The following KLHL1 variants were observed in gnomAD, a reference collection of about 807,000 sequenced individuals.
KLHL1 encodes the protein kelch like family member 1.
In KLHL1, 47 loss-of-function variants were observed where a neutral mutation model predicts 77.7. The observed-to-expected ratio is 0.60, with a 90% confidence interval of 0.48 to 0.77. The LOEUF (loss-of-function observed/expected upper bound fraction) is 0.77, where lower values mean the gene tolerates loss of function less well. Ranked by LOEUF, KLHL1 falls within the 30% of genes least tolerant of loss-of-function variation. The pLI, the probability that KLHL1 is intolerant of heterozygous loss-of-function variation, is 0.00. For missense variants in KLHL1, 925 were observed against 910.8 expected (o/e 1.02, Z -0.20); for synonymous variants, 360 against 325.2 (o/e 1.11, Z -1.15).
chr13:70,080,994 CA>C (rs1338073336), intron 1 of KLHL1, among the ~76,000 whole-genome samples: 1 of 152,124 alleles, frequency 6.6e-6, no homozygotes, highest in East Asian at 1.9e-4. Flanking sequence ...CTTCTCTTCC[CA>C]AAAAACATTG....
intron 3 of KLHL1, among the ~76,000 whole-genome samples, chr13:69,957,856 A>T (rs532867456): frequency 6.6e-6 from 1 of 151,966 alleles, no homozygotes; most frequent in Non-Finnish European, 1.5e-5. Flanking sequence ...ACTGCTAATT[A>T]AGAATTTAGA....
At chr13:69,753,360 A>G (rs907599130) in intron 7 of KLHL1, among the ~76,000 whole-genome samples, 2 of 152,202 alleles carry the variant, frequency 1.3e-5, no homozygotes, top group African/African-American at 4.8e-5. Context: ...AATTTTCACA[A>G]GAGGATGACA....
At chr13:70,009,085 T>C (rs904572702) in intron 1 of KLHL1, among the ~76,000 whole-genome samples, 1 of 152,166 alleles carries the variant, frequency 6.6e-6, no homozygotes, top group African/African-American at 2.4e-5. Flanking sequence ...AAACCTTATG[T>C]ATTTATACCA....
intron 5 of KLHL1, among the ~76,000 whole-genome samples, chr13:69,868,394 A>G (rs1880452791): frequency 6.6e-6 from 1 of 151,802 alleles, no homozygotes; most frequent in Admixed American, 6.6e-5. Context: ...AATATTTGTT[A>G]GAGAAAAATG....
intron 7 of KLHL1, among the ~76,000 whole-genome samples, chr13:69,794,417 A>C (rs1030528718): frequency 2.0e-5 from 3 of 152,128 alleles, no homozygotes; most frequent in Non-Finnish European, 4.4e-5. Context: ...GGCTGCAACT[A>C]CCATTAACCA....
At chr13:69,953,399 G>T (rs528027986) in intron 3 of KLHL1, among the ~76,000 whole-genome samples, 8 of 151,182 alleles carry the variant, frequency 5.3e-5, no homozygotes, top group African/African-American at 1.7e-4. Context: ...TATGAGCAGC[G>T]CTGCCTCTCA....
intron 3 of KLHL1, among the ~76,000 whole-genome samples, chr13:69,953,558 A>G (rs1883778229): frequency 6.6e-6 from 1 of 151,188 alleles, no homozygotes; most frequent in Non-Finnish European, 1.5e-5. Flanking sequence ...ACAATATGAT[A>G]TTGACTACCT....
At chr13:69,736,595 T>A (rs1280285569) in intron 8 of KLHL1, among the ~76,000 whole-genome samples, 1 of 152,060 alleles carries the variant, frequency 6.6e-6, no homozygotes, top group African/African-American at 2.4e-5. Flanking sequence ...CACATGCCTG[T>A]TTATAGCAGC....
At chr13:69,804,459 CAA>C (rs1482780188) in intron 6 of KLHL1, among the ~76,000 whole-genome samples, 1 of 152,102 alleles carries the variant, frequency 6.6e-6, no homozygotes, top group Admixed American at 6.5e-5. Flanking sequence ...TCTCAACTGA[CAA>C]AAGAGATGTC....
Position 69,740,527 on chromosome 13 carries a change from C to A in KLHL1, c.1669G>T (p.Ala557Ser). Residue 557 changes from alanine (A) to serine (S), a missense_variant, in exon 8 of 11, where the codon GCT (alanine) becomes TCT (serine). Transcript: ENST00000377844. ...GVTVLEGPIY[A>S]VGGHDGWSYL... is the part of the protein sequence containing the mutation. ...CTCCAGCCATCATGGCCTCCCACAG[C>A]ATAAATAGGGCCTTCAAGTACTGTT... is the stretch of plus-strand genomic sequence containing the variant. 3 of 1,611,988 alleles carry A rather than the reference C, an allele frequency of 1.9e-6. No individual in the cohort carries two copies. Among genetic ancestry groups the A allele is most frequent in the Non-Finnish European group, 1.7e-6 (2 of 1,178,530 alleles).
intron 4 of KLHL1, among the ~76,000 whole-genome samples, chr13:69,886,378 G>GTT (rs67311577): frequency 1.3e-5 from 2 of 150,350 alleles, no homozygotes; most frequent in African/African-American, 4.9e-5. Context: ...TTTTGCACCA[G>GTT]TTTTTTTTTT....
chr13:69,798,389 A>T lies in KLHL1; in HGVS notation c.1415-1427T>A, dbSNP rs562928942. Reference sequence around the variant, plus strand: ...AGTTTTGCTAATTAAAGTAAAAACGATACAATTTATGCTCAATTTTTACTT... The same window carrying T: ...AGTTTTGCTAATTAAAGTAAAAACGTTACAATTTATGCTCAATTTTTACTT... On this transcript the variant is annotated intron_variant, in intron 6 of 10. Coordinates refer to ENST00000377844, the MANE Select transcript of KLHL1 (RefSeq NM_020866.3). Among the ~76,000 whole-genome samples the T allele has an allele frequency of 8.5e-5, 13 of 152,322 alleles. No homozygotes were observed. In the East Asian group the frequency reaches 2.5e-3, roughly 29 times the overall value.
intron 8 of KLHL1, among the ~76,000 whole-genome samples, chr13:69,733,356 A>C (rs1199543381): frequency 6.6e-6 from 1 of 152,176 alleles, no homozygotes; most frequent in African/African-American, 2.4e-5. Context: ...GCTAATTTGC[A>C]AACAATGTGA....
intron 1 of KLHL1, among the ~76,000 whole-genome samples, chr13:69,983,910 A>ACAAAGGCG (rs151310340): frequency 9.6e-4 from 1 of 1,040 alleles, no homozygotes; most frequent in Non-Finnish European, 0.056. Context: ...CTGATTTTTG[A>ACAAAGGCG]CAAAGATCCC....
At chr13:70,090,669 A>AT (rs1887651301) in intron 1 of KLHL1, among the ~76,000 whole-genome samples, 3 of 151,988 alleles carry the variant, frequency 2.0e-5, no homozygotes, top group Admixed American at 2.0e-4. Flanking sequence ...GAAACTTTCT[A>AT]TTTTCTCCCA....
intron 5 of KLHL1, among the ~76,000 whole-genome samples, chr13:69,871,386 C>G (rs1457253321): frequency 6.6e-6 from 1 of 152,148 alleles, no homozygotes; most frequent in African/African-American, 2.4e-5. Context: ...TTCCCACGAT[C>G]TTGACTGTTA....
intron 1 of KLHL1, among the ~76,000 whole-genome samples, chr13:69,996,950 G>C (rs1885171123): frequency 1.0e-5 from 1 of 95,370 alleles, no homozygotes. Context: ...GGCTGGCACA[G>C]TGACTCACGC....
intron 2 of KLHL1, among the ~76,000 whole-genome samples, chr13:69,975,396 T>C (rs1016919987): frequency 5.3e-5 from 8 of 152,058 alleles, no homozygotes; most frequent in Non-Finnish European, 1.2e-4. Context: ...ATAATTGTTT[T>C]GTTTTTCAAA....
chr13:70,070,151 C>CG (rs1887106546), intron 1 of KLHL1, among the ~76,000 whole-genome samples: 1 of 132,720 alleles, frequency 7.5e-6, no homozygotes, highest in African/African-American at 2.9e-5. Flanking sequence ...AGACTCGTCT[C>CG]GAAAAAAAAA....
Sources: gnomAD v4.1 joint callset for allele counts (sites outside exome capture counted in the v4.1 genomes callset) on GRCh38, gnomAD v4.1.1 for gene constraint, MANE v1.5 for transcripts, NCBI Gene and HGNC (gene_info 2026-07-23, HGNC 2026-07-21) for gene names.